Variants in ADAMTS16 observed in about 807,000 individuals in gnomAD.
ADAMTS16 encodes the protein ADAM metallopeptidase with thrombospondin type 1 motif 16, also known as A disintegrin and metalloproteinase with thrombospondin motifs 16.
ADAMTS16 carries 94 observed loss-of-function variants against 145.8 expected under a neutral mutation model. That is an observed-to-expected ratio of 0.64 (90% CI 0.55 to 0.77). ADAMTS16 has a LOEUF of 0.77. Ranked by LOEUF, ADAMTS16 falls within the 30% of genes least tolerant of loss-of-function variation. The pLI is 0.00. For synonymous variants in ADAMTS16, 659 were observed against 604.3 expected, an observed-to-expected ratio of 1.09 and a Z score of -1.33; for missense variants, 1,585 against 1,591.5, an observed-to-expected ratio of 1.00 and a Z score of 0.07.
chr5:5,307,476 T>C (rs992016432), intron 21 of ADAMTS16, among the ~76,000 whole-genome samples: 2 of 152,054 alleles, frequency 1.3e-5, no homozygotes, highest in Admixed American at 6.5e-5. Context: ...TTTGGAGAGA[T>C]GGAGGTGGAA....
chr5:5,233,413 T>C (rs1299764850), intron 12 of ADAMTS16, among the ~76,000 whole-genome samples: 1 of 152,200 alleles, frequency 6.6e-6, no homozygotes, highest in Non-Finnish European at 1.5e-5. Context: ...CACGGGTGTG[T>C]GTTGTGCAGA....
intron 9 of ADAMTS16, among the ~76,000 whole-genome samples, chr5:5,203,033 G>A (rs1410875521): frequency 6.6e-6 from 1 of 152,214 alleles, no homozygotes; most frequent in Non-Finnish European, 1.5e-5. Context: ...ACTATAAGTT[G>A]AAGTGTGCTG....
intron 20 of ADAMTS16, among the ~76,000 whole-genome samples, chr5:5,306,021 T>C (rs950908184): frequency 6.6e-6 from 1 of 152,196 alleles, no homozygotes; most frequent in African/African-American, 2.4e-5. Context: ...GGACGTGCTC[T>C]CCACGCACGC....
At chr5:5,191,013 A>G (rs1735649982) in intron 7 of ADAMTS16, among the ~76,000 whole-genome samples, 1 of 152,192 alleles carries the variant, frequency 6.6e-6, no homozygotes, top group Admixed American at 6.5e-5. Flanking sequence ...AACCCTGGAC[A>G]CTGAGTTTCT....
intron 7 of ADAMTS16, among the ~76,000 whole-genome samples, chr5:5,190,348 A>G (rs547896942): frequency 6.6e-6 from 1 of 152,330 alleles, no homozygotes; most frequent in South Asian, 2.1e-4. Context: ...TGTCTTACAG[A>G]TTCCAGAGTT....
intron 18 of ADAMTS16, among the ~76,000 whole-genome samples, chr5:5,274,078 G>T (rs528635770): frequency 2.0e-5 from 3 of 151,810 alleles, no homozygotes; most frequent in Non-Finnish European, 4.4e-5. Context: ...TCATTTCATG[G>T]CAACATTAAG....
At chr5:5,192,659 G>T (rs889947910) in intron 8 of ADAMTS16, among the ~76,000 whole-genome samples, 40 of 152,162 alleles carry the variant, frequency 2.6e-4, no homozygotes, top group African/African-American at 9.4e-4. Flanking sequence ...ACAGAGGCCA[G>T]TCCTAGGTTG....
intron 14 of ADAMTS16, 86 bp downstream of exon 14, chr5:5,237,185 A>G (rs1036488071): frequency 1.1e-5 from 15 of 1,403,060 alleles, no homozygotes; most frequent in Non-Finnish European, 1.5e-5. Flanking sequence ...GAAAGACTGG[A>G]CATATGAGAC....
At chr5:5,172,740 A>C (rs1226994709) in intron 3 of ADAMTS16, among the ~76,000 whole-genome samples, 1 of 152,154 alleles carries the variant, frequency 6.6e-6, no homozygotes, top group African/African-American at 2.4e-5. Context: ...ATGTTCTGTA[A>C]ATATCTATTA....
intron 18 of ADAMTS16, among the ~76,000 whole-genome samples, chr5:5,263,348 A>G (rs1364538406): frequency 6.6e-6 from 1 of 152,234 alleles, no homozygotes; most frequent in Non-Finnish European, 1.5e-5. Context: ...CCCTTGAGGC[A>G]GCCATGGTCC....
At position 5,222,883 on chromosome 5, in the gene ADAMTS16, T is replaced by C. The variant is rs367849846; in HGVS notation, c.1700T>C (p.Met567Thr). Reference protein sequence around the residue: ...AAEGTICGHDMWCRGGQCVKY... With the variant: ...AAEGTICGHDTWCRGGQCVKY... ...GAAGGCACAATTTGTGGGCATGACATGGTAAGAAGCTAACTGTAGGTACAG... is the reference window on the plus strand; with the variant it reads ...GAAGGCACAATTTGTGGGCATGACACGGTAAGAAGCTAACTGTAGGTACAG... Residue 567 changes from methionine to threonine, a missense_variant and splice_region_variant, in exon 11 of 23, where the codon ATG becomes ACG. Physicochemically the swap from Met to Thr is moderately conservative, Grantham distance 81. Coordinates refer to ENST00000274181, the MANE Select transcript of ADAMTS16 (RefSeq NM_139056.4). 9.3e-6 allele frequency: 15 copies of C among 1,614,082 alleles called. No homozygotes were observed. The African/African-American group carries it at 1.3e-4, about 14-fold the overall frequency.
At chr5:5,211,763 G>A (rs1055796789) in intron 10 of ADAMTS16, among the ~76,000 whole-genome samples, 4 of 151,918 alleles carry the variant, frequency 2.6e-5, no homozygotes, top group Non-Finnish European at 5.9e-5. Context: ...ATATTATTAA[G>A]CAAAAATATT....
chr5:5,179,340 G>A (rs539852145), intron 3 of ADAMTS16, among the ~76,000 whole-genome samples: 2 of 152,138 alleles, frequency 1.3e-5, no homozygotes, highest in East Asian at 1.9e-4. Context: ...ATCATCTTCT[G>A]AGGGGGGGTT....
intron 3 of ADAMTS16, 84 bp from the exon 4 acceptor site, chr5:5,181,960 A>T: frequency 7.0e-7 from 1 of 1,431,516 alleles, no homozygotes; most frequent in Non-Finnish European, 9.5e-7. Flanking sequence ...GAGAATAATA[A>T]CAAATGCAAT....
intron 2 of ADAMTS16, among the ~76,000 whole-genome samples, chr5:5,143,906 C>T (rs1734228947): frequency 6.6e-6 from 1 of 152,156 alleles, no homozygotes; most frequent in African/African-American, 2.4e-5. Context: ...TGCATGTTCT[C>T]ACTCGTAAGT....
At chr5:5,210,202 T>C (rs7704912) in intron 10 of ADAMTS16, among the ~76,000 whole-genome samples, 13 of 151,946 alleles carry the variant, frequency 8.6e-5, no homozygotes, top group Admixed American at 5.9e-4. Flanking sequence ...ATTTTTTTTT[T>C]AGTGTTACTC....
chr5:5,262,835 C>T (rs1334439235), intron 18 of ADAMTS16, 52 bp downstream of exon 18: 5 of 1,600,432 alleles, frequency 3.1e-6, no homozygotes, highest in Non-Finnish European at 4.3e-6. Flanking sequence ...CAGACGTGCT[C>T]AGCGAGTCTT....
chr5:5,197,964 T>A (rs1049955422), intron 8 of ADAMTS16, among the ~76,000 whole-genome samples: 1 of 152,154 alleles, frequency 6.6e-6, no homozygotes, highest in African/African-American at 2.4e-5. Flanking sequence ...GGTAGCTACA[T>A]TGTGCTCTGT....
At chr5:5,189,503 A>G (rs1484073361) in intron 6 of ADAMTS16, among the ~76,000 whole-genome samples, 6 of 152,230 alleles carry the variant, frequency 3.9e-5, no homozygotes, top group Admixed American at 6.5e-5. Context: ...ATTTAACACT[A>G]TAATAATAAG....
Sources: gnomAD v4.1 joint callset for allele counts (sites outside exome capture counted in the v4.1 genomes callset) on GRCh38, gnomAD v4.1.1 for gene constraint, MANE v1.5 for transcripts, NCBI Gene and HGNC (gene_info 2026-07-23, HGNC 2026-07-21) for gene names.